Variants in BRD7 observed in about 807,000 individuals in gnomAD.
BRD7 encodes bromodomain containing 7.
In BRD7, 15 loss-of-function variants were observed where a neutral mutation model predicts 82.1. That is an observed-to-expected ratio of 0.18 (90% CI 0.12 to 0.28). BRD7 has a LOEUF of 0.28. Among genes scored for constraint, BRD7 ranks in the 10% least tolerant of loss-of-function variants. The pLI is 1.00. For missense variants in BRD7, 638 were observed against 779.9 expected, an observed-to-expected ratio of 0.82 and a Z score of 2.17; for synonymous variants, 232 against 266.9, an observed-to-expected ratio of 0.87 and a Z score of 1.27.
rs1007462680 is a variant in BRD7 at position 50,319,034 on chromosome 16, G to C, written c.*177C>G. The C allele has an allele frequency of 1.7e-6, 1 of 595,798 alleles. No homozygotes were observed. The highest frequency in any genetic ancestry group is 3.4e-5 in the Admixed American group (1 of 29,754). The allele number at this position is 595,798 out of a possible 1,614,324, so 36.9% of individuals were successfully genotyped here. Reference sequence around the variant, plus strand: ...AGCCCCAAGCACATTCCTTCCTCACGAGTCCCAGGTCCAGCTTTATTACCT... The same window carrying C: ...AGCCCCAAGCACATTCCTTCCTCACCAGTCCCAGGTCCAGCTTTATTACCT... On this transcript the variant is annotated 3_prime_UTR_variant, in exon 17 of 17. Transcript: ENST00000394688.
At chr16:50,346,691 C>T (rs1466712983) in intron 5 of BRD7, among the ~76,000 whole-genome samples, 1 of 152,170 alleles carries the variant, frequency 6.6e-6, no homozygotes, top group Non-Finnish European at 1.5e-5. Context: ...TTCCTGGATA[C>T]ATACACCCTC....
At position 50,349,516 on chromosome 16, in the gene BRD7, C is replaced by T. The variant is rs554579594; in HGVS notation, c.591+507G>A. 378 of 468,616 alleles carry T rather than the reference C, an allele frequency of 8.1e-4. 8 individuals are homozygous for T. The highest frequency in any genetic ancestry group is 5.0e-3 in the South Asian group (324 of 64,434). 29.0% of individuals were successfully genotyped at this position (468,616 alleles called of 1,614,324 possible). On this transcript the variant is annotated intron_variant, in intron 5 of 16. Transcript: ENST00000394688. ...CTTGCTTCCCCTTCATGTTCCAGTA[C>T]GATTGTAAGTTTCCTTGGGTCTCTC...
intron 9 of BRD7, among the ~76,000 whole-genome samples, chr16:50,327,593 A>G (rs567362776): frequency 6.6e-6 from 1 of 152,236 alleles, no homozygotes; most frequent in African/African-American, 2.4e-5. Flanking sequence ...TCCATCTTCA[A>G]ATGCTCTTCC....
chr16:50,354,132 A>C (rs2038644143), intron 4 of BRD7, among the ~76,000 whole-genome samples: 1 of 152,216 alleles, frequency 6.6e-6, no homozygotes, highest in South Asian at 2.1e-4. Context: ...GCAAAGTGGA[A>C]ATATCTGTAT....
At chr16:50,325,264 GTTGAGT>G (rs1490437712) in intron 11 of BRD7, among the ~76,000 whole-genome samples, 1 of 152,164 alleles carries the variant, frequency 6.6e-6, no homozygotes, top group African/African-American at 2.4e-5. Context: ...ATAAAGAATG[GTTGAGT>G]TTAACTGCAA....
At chr16:50,341,642 CAAAA>C (rs5816690) in intron 5 of BRD7, among the ~76,000 whole-genome samples, 1 of 106,168 alleles carries the variant, frequency 9.4e-6, no homozygotes. Context: ...GACTCGGTCT[CAAAA>C]AAAAAAAAAA....
At chr16:50,321,125 T>C (rs2037081399) in intron 13 of BRD7, among the ~76,000 whole-genome samples, 1 of 152,266 alleles carries the variant, frequency 6.6e-6, no homozygotes, top group South Asian at 2.1e-4. Flanking sequence ...GACAATGCCT[T>C]GTGTTTTCGA....
intron 4 of BRD7, among the ~76,000 whole-genome samples, 168 bp downstream of exon 4, chr16:50,354,257 A>G (rs1380080696): frequency 3.9e-5 from 6 of 152,244 alleles, no homozygotes; most frequent in Non-Finnish European, 8.8e-5. Context: ...CCAAATAAAG[A>G]ATATCTAAAA....
chr16:50,352,701 G>GTTTTTTTTTTTTTTTTTTTTT (rs34714781), intron 4 of BRD7, among the ~76,000 whole-genome samples: 3 of 127,628 alleles, frequency 2.4e-5, no homozygotes, highest in Non-Finnish European at 3.3e-5. Flanking sequence ...TGCCAGCTTT[G>GTTTTTTTTTTTTTTTTTTTTT]TTTTTTTTTT....
intron 5 of BRD7, among the ~76,000 whole-genome samples, chr16:50,340,484 A>C (rs1174026854): frequency 6.6e-6 from 1 of 152,238 alleles, no homozygotes; most frequent in Admixed American, 6.5e-5. Context: ...TCCTAGCTTT[A>C]AAACAAACAT....
chr16:50,326,881 TG>T (rs2037363311), intron 9 of BRD7, among the ~76,000 whole-genome samples: 1 of 152,146 alleles, frequency 6.6e-6, no homozygotes, highest in African/African-American at 2.4e-5. Context: ...GTGATGAAGC[TG>T]GGAATACGTG....
chr16:50,342,902 C>T (rs935414096), intron 5 of BRD7, among the ~76,000 whole-genome samples: 3 of 151,978 alleles, frequency 2.0e-5, no homozygotes, highest in African/African-American at 4.8e-5. Flanking sequence ...TTTTAATATA[C>T]ATGGTTCCTT....
intron 4 of BRD7, among the ~76,000 whole-genome samples, chr16:50,350,748 CA>C (rs1204537553): frequency 6.6e-6 from 1 of 152,154 alleles, no homozygotes; most frequent in East Asian, 1.9e-4. Context: ...ACCCCAAAAT[CA>C]GAAACTCAAA....
intron 4 of BRD7, among the ~76,000 whole-genome samples, 165 bp from the exon 5 acceptor site, chr16:50,350,332 G>A (rs921040916): frequency 1.3e-5 from 2 of 152,116 alleles, no homozygotes; most frequent in Non-Finnish European, 2.9e-5. Flanking sequence ...AGTCTATTAA[G>A]TATTTCATAA....
chr16:50,332,235 C>T (rs1255589745), intron 8 of BRD7, among the ~76,000 whole-genome samples: 1 of 105,286 alleles, frequency 9.5e-6, no homozygotes, highest in Non-Finnish European at 1.8e-5. Context: ...GTGAACTACG[C>T]ATCCAATAAA....
rs2036901187 is a variant in BRD7 at position 50,318,148 on chromosome 16, T to C, written c.*1063A>G. 1 of 152,288 alleles carries C rather than the reference T, an allele frequency of 6.6e-6. No individual in the cohort carries two copies. Among genetic ancestry groups the C allele is most frequent in the Non-Finnish European group, 1.5e-5 (1 of 68,034 alleles). The allele number at this position is 152,288 out of a possible 1,614,324, so 9.4% of individuals were successfully genotyped here. On this transcript the variant is annotated 3_prime_UTR_variant, in exon 17 of 17. Transcript: ENST00000394688. ...TGAAAAACTCAAATATCTGAAGGTA[T>C]TTTATTTTCGTGGTCCTCATGAACT... is the stretch of plus-strand genomic sequence containing the variant.
At chr16:50,336,156 C>G (rs1386268845) in intron 6 of BRD7, among the ~76,000 whole-genome samples, 2 of 152,074 alleles carry the variant, frequency 1.3e-5, no homozygotes, top group African/African-American at 2.4e-5. Context: ...ATTTTAATAA[C>G]TATTTAATCC....
intron 5 of BRD7, among the ~76,000 whole-genome samples, chr16:50,344,646 C>T (rs1214966956): frequency 6.6e-6 from 1 of 151,978 alleles, no homozygotes; most frequent in Non-Finnish European, 1.5e-5. Context: ...CCGATTTGAT[C>T]AAGTGGAAGA....
intron 5 of BRD7, among the ~76,000 whole-genome samples, chr16:50,347,585 C>T (rs1468111644): frequency 3.9e-5 from 6 of 152,148 alleles, no homozygotes; most frequent in Non-Finnish European, 8.8e-5. Flanking sequence ...AATCAATGTA[C>T]AAAAATCACA....
Sources: allele counts gnomAD v4.1 joint callset (sites outside exome capture counted in the v4.1 genomes callset), GRCh38; gene constraint gnomAD v4.1.1; transcripts MANE v1.5; gene names NCBI Gene and HGNC (gene_info 2026-07-23, HGNC 2026-07-21).